Variants in LRP1B observed in about 807,000 individuals in gnomAD.
The protein encoded by LRP1B is LDL receptor related protein 1B.
A neutral mutation model predicts 556.6 loss-of-function variants in LRP1B; 217 were observed. The ratio of observed to expected loss-of-function variants is 0.39; its 90% CI spans 0.35 to 0.44. The LOEUF is 0.44. LRP1B is among the 20% of genes least tolerant of loss of function. The pLI is 1.00. For missense variants in LRP1B, 5,053 were observed against 5,620.8 expected (o/e 0.90, Z 3.23); for synonymous variants, 2,047 against 1,865.8 (o/e 1.10, Z -2.50).
chr2:140,568,347 A>G (rs550891966), intron 43 of LRP1B, among the ~76,000 whole-genome samples: 5 of 152,134 alleles, frequency 3.3e-5, no homozygotes, highest in African/African-American at 1.2e-4. Flanking sequence ...AAATAAAAAA[A>G]TATAACTGAG....
intron 1 of LRP1B, among the ~76,000 whole-genome samples, chr2:141,860,499 C>G (rs1698203619): frequency 6.6e-6 from 1 of 152,068 alleles, no homozygotes; most frequent in African/African-American, 2.4e-5. Flanking sequence ...TCCTCCTTCT[C>G]CTTGCAAATT....
intron 6 of LRP1B, among the ~76,000 whole-genome samples, chr2:141,217,461 G>C (rs1573666979): frequency 6.6e-6 from 1 of 152,040 alleles, no homozygotes; most frequent in Admixed American, 6.5e-5. Flanking sequence ...AACGGAAAAA[G>C]GTGAGCTTGA....
intron 1 of LRP1B, among the ~76,000 whole-genome samples, chr2:142,118,282 A>T (rs1240189381): frequency 2.0e-5 from 3 of 152,136 alleles, no homozygotes; most frequent in African/African-American, 7.2e-5. Context: ...GAAGAATTTT[A>T]CTAATCCTCT....
intron 1 of LRP1B, among the ~76,000 whole-genome samples, chr2:141,955,257 C>T (rs956253722): frequency 2.0e-5 from 3 of 152,110 alleles, no homozygotes; most frequent in Non-Finnish European, 2.9e-5. Context: ...TGTCATTCAT[C>T]ATCTCCCTGA....
At chr2:140,410,852 G>T (rs1684943024) in intron 66 of LRP1B, among the ~76,000 whole-genome samples, 1 of 152,106 alleles carries the variant, frequency 6.6e-6, no homozygotes, top group African/African-American at 2.4e-5. Context: ...ATTGTCATCA[G>T]ATTAATGTCC....
chr2:140,830,767 G>C (rs1470252803), intron 31 of LRP1B, among the ~76,000 whole-genome samples: 1 of 151,924 alleles, frequency 6.6e-6, no homozygotes, highest in African/African-American at 2.4e-5. Flanking sequence ...AAGGAAGAAG[G>C]CAAATTATTT....
chr2:141,693,923 GCC>G, intron 2 of LRP1B, among the ~76,000 whole-genome samples: 1 of 152,084 alleles, frequency 6.6e-6, no homozygotes, highest in Admixed American at 6.6e-5. Flanking sequence ...GGAAATAGAA[GCC>G]ACATGAATTG....
chr2:141,500,855 CT>C (rs1240961563), intron 2 of LRP1B, among the ~76,000 whole-genome samples: 1 of 152,028 alleles, frequency 6.6e-6, no homozygotes, highest in Non-Finnish European at 1.5e-5. Context: ...TCCTCTATTG[CT>C]TTAGAAATAA....
At chr2:141,126,797 C>T (rs550510423) in intron 7 of LRP1B, among the ~76,000 whole-genome samples, 9 of 152,124 alleles carry the variant, frequency 5.9e-5, no homozygotes, top group Non-Finnish European at 1.2e-4. Flanking sequence ...TTTTTACTAG[C>T]TCAGGTTCCC....
At chr2:140,459,309 T>C (rs957096084) in intron 60 of LRP1B, among the ~76,000 whole-genome samples, 3 of 152,176 alleles carry the variant, frequency 2.0e-5, no homozygotes, top group African/African-American at 7.2e-5. Context: ...GTGATTATTA[T>C]AAGAGCCTTT....
At chr2:142,075,705 CTCTCTT>C (rs1705472080) in intron 1 of LRP1B, among the ~76,000 whole-genome samples, 1 of 152,068 alleles carries the variant, frequency 6.6e-6, no homozygotes, top group South Asian at 2.1e-4. Flanking sequence ...CTCAATCTCT[CTCTCTT>C]TCTGTTTCCC....
intron 29 of LRP1B, among the ~76,000 whole-genome samples, chr2:140,845,464 C>T (rs1196259883): frequency 6.6e-6 from 1 of 152,028 alleles, no homozygotes; most frequent in Admixed American, 6.5e-5. Context: ...ACCCAAGACT[C>T]ACACTTCCCA....
chr2:140,547,596 A>G (rs1327635903), intron 43 of LRP1B, among the ~76,000 whole-genome samples: 1 of 151,740 alleles, frequency 6.6e-6, no homozygotes, highest in Non-Finnish European at 1.5e-5. Flanking sequence ...TTTTTTTTTC[A>G]GAAAACCAGC....
chr2:140,629,237 T>C (rs1683790341), intron 41 of LRP1B, among the ~76,000 whole-genome samples: 2 of 151,774 alleles, frequency 1.3e-5, no homozygotes, highest in Non-Finnish European at 2.9e-5. Context: ...TTTTTTTTTT[T>C]TTGTATTTTT....
At chr2:141,124,039 A>G (rs1701134313) in intron 7 of LRP1B, among the ~76,000 whole-genome samples, 1 of 152,166 alleles carries the variant, frequency 6.6e-6, no homozygotes, top group Non-Finnish European at 1.5e-5. Flanking sequence ...ATATGAGAGA[A>G]GTGAGAAAAG....
intron 2 of LRP1B, among the ~76,000 whole-genome samples, chr2:141,567,377 T>A (rs771238406): frequency 7.2e-5 from 11 of 152,174 alleles, no homozygotes; most frequent in Admixed American, 7.2e-4. Flanking sequence ...AAGGATTTTG[T>A]TATTTGTTTC....
At chr2:140,357,638 T>C (rs1341710560) in intron 74 of LRP1B, among the ~76,000 whole-genome samples, 7 of 151,648 alleles carry the variant, frequency 4.6e-5, no homozygotes, top group African/African-American at 9.7e-5. Flanking sequence ...TTTACTATCA[T>C]TCAACTAAAT....
chr2:141,755,568 C>T (rs1001082135), intron 2 of LRP1B, among the ~76,000 whole-genome samples: 5 of 151,856 alleles, frequency 3.3e-5, no homozygotes, highest in South Asian at 2.1e-4. Flanking sequence ...AAAGAGGTCA[C>T]GAGGTAAAAA....
rs531315432 is a variant in LRP1B at position 141,477,071 on chromosome 2, C to T, written c.343+3325G>A. ...CTGGGAGGCAGAGGTCATGGTGAGC[C>T]GAGATAGCGCCATTGCACTCCAGCC... On this transcript the variant is annotated intron_variant, in intron 3 of 90. Transcript: ENST00000389484. Among the ~76,000 whole-genome samples, 4 of 151,680 alleles carry T rather than the reference C, an allele frequency of 2.6e-5. No individual in the cohort carries two copies. The East Asian group carries it at 7.8e-4, about 30-fold the overall frequency.
Sources: gnomAD v4.1 joint callset for allele counts (sites outside exome capture counted in the v4.1 genomes callset) on GRCh38, gnomAD v4.1.1 for gene constraint, MANE v1.5 for transcripts, NCBI Gene and HGNC (gene_info 2026-07-23, HGNC 2026-07-21) for gene names.